HK1: variants seen among roughly 807,000 people sequenced by gnomAD.
HK1 encodes the protein hexokinase 1.
Under a neutral mutation model 91.6 loss-of-function variants are expected in HK1, and 28 were observed. That is an observed-to-expected ratio of 0.31 (90% CI 0.23 to 0.42). HK1 has a LOEUF of 0.42. Among genes scored for constraint, HK1 ranks in the 10% least tolerant of loss-of-function variants. The pLI, the probability that HK1 is intolerant of heterozygous loss-of-function variation, is 1.00. For synonymous variants in HK1, 430 were observed against 468.1 expected (o/e 0.92, Z 1.05); for missense variants, 770 against 1,219.8 (o/e 0.63, Z 5.49).
upstream of HK1, among the ~76,000 whole-genome samples, chr10:69,313,383 C>T (rs907238120): frequency 1.3e-5 from 2 of 152,174 alleles, no homozygotes; most frequent in Non-Finnish European, 2.9e-5. Flanking sequence ...ATGATGACCA[C>T]GTTGCCACAG....
intron 13 of HK1, among the ~76,000 whole-genome samples, chr10:69,387,762 G>T (rs1173147482): frequency 1.3e-5 from 2 of 152,090 alleles, no homozygotes; most frequent in African/African-American, 4.8e-5. Context: ...GATTACAGGT[G>T]TGTTTCTCGT....
chr10:69,310,143 A>C (rs1471992972), intron 5 of HK1, among the ~76,000 whole-genome samples: 1 of 148,750 alleles, frequency 6.7e-6, no homozygotes, highest in Non-Finnish European at 1.5e-5. Context: ...AAATCTGGCC[A>C]GGCATGGTGG....
intron 2 of HK1, among the ~76,000 whole-genome samples, chr10:69,283,893 G>T (rs376512971): frequency 2.0e-5 from 3 of 151,646 alleles, no homozygotes; most frequent in African/African-American, 7.3e-5. Context: ...TGGGGTTTAA[G>T]CCCACTTATT....
At chr10:69,274,764 G>T (rs1393553089) in intron 1 of HK1, among the ~76,000 whole-genome samples, 2 of 151,938 alleles carry the variant, frequency 1.3e-5, no homozygotes, top group Non-Finnish European at 2.9e-5. Context: ...AATCCTATGG[G>T]GAGAACTGGC....
At chr10:69,365,391 C>T (rs1849649506) in intron 4 of HK1, among the ~76,000 whole-genome samples, 1 of 152,174 alleles carries the variant, frequency 6.6e-6, no homozygotes. Flanking sequence ...GTTGTACCCA[C>T]CTTCCTGTTT....
chr10:69,316,049 T>C, upstream of HK1: 1 of 1,569,604 alleles, frequency 6.4e-7, no homozygotes. Context: ...GTTGGCAAGC[T>C]GGGCCTTAGA....
rs77255175 is a variant in HK1, at chr10:69,367,983, C to G, written c.496-553C>G. On this transcript the variant is annotated intron_variant, in intron 4 of 17. Transcript: ENST00000359426. ...TAGGGGAGTCACCACTTACAAATGGCGGTTAAGTCCCAAAGCTGGTGAAGA... is the reference window on the plus strand; with the variant it reads ...TAGGGGAGTCACCACTTACAAATGGGGGTTAAGTCCCAAAGCTGGTGAAGA... Among the ~76,000 whole-genome samples, 605 of 152,318 alleles carry G rather than the reference C, an allele frequency of 4.0e-3. 2 individuals are homozygous for G. Among genetic ancestry groups the G allele is most frequent in the Middle Eastern group, 0.024 (7 of 294 alleles).
intron 3 of HK1, among the ~76,000 whole-genome samples, chr10:69,363,886 G>A (rs997344021): frequency 3.3e-5 from 5 of 152,202 alleles, no homozygotes; most frequent in African/African-American, 4.8e-5. Context: ...GCTACAGTGC[G>A]GTAGATAAAT....
intron 1 of HK1, among the ~76,000 whole-genome samples, chr10:69,330,050 AC>A (rs776140833): frequency 6.7e-6 from 1 of 149,538 alleles, no homozygotes; most frequent in Non-Finnish European, 1.5e-5. Flanking sequence ...CTGCATGAAA[AC>A]CCCCTCAATG....
upstream of HK1, among the ~76,000 whole-genome samples, chr10:69,313,326 T>G (rs1846466862): frequency 6.6e-6 from 1 of 152,168 alleles, no homozygotes; most frequent in African/African-American, 2.4e-5. Flanking sequence ...GCTGCTCAGC[T>G]CCAGCATATG....
At chr10:69,310,347 T>G (rs1349205696) in intron 5 of HK1, among the ~76,000 whole-genome samples, 1 of 144,464 alleles carries the variant, frequency 6.9e-6, no homozygotes, top group South Asian at 2.2e-4. Context: ...CCTGAACCCA[T>G]CAGGCAGAGG....
upstream of HK1, among the ~76,000 whole-genome samples, chr10:69,315,509 T>G (rs941104114): frequency 1.3e-5 from 2 of 152,258 alleles, no homozygotes; most frequent in African/African-American, 4.8e-5. Flanking sequence ...GGGAGGGAAC[T>G]AAGGACTCCC....
intron 5 of HK1, among the ~76,000 whole-genome samples, chr10:69,302,071 C>T (rs144062937): frequency 0.021 from 3,189 of 151,868 alleles, 109 homozygotes; most frequent in African/African-American, 0.071. Context: ...CATGGTGAAA[C>T]CCCATCTCTA....
chr10:69,359,831 G>A (rs892508499), intron 2 of HK1, 66 bp from the exon 3 acceptor site: 10 of 1,488,960 alleles, frequency 6.7e-6, no homozygotes, highest in South Asian at 2.3e-5. Context: ...GCCAGGAAGC[G>A]GGCATGGTAT....
upstream of HK1, among the ~76,000 whole-genome samples, chr10:69,311,184 T>C (rs1035069500): frequency 6.6e-6 from 1 of 152,212 alleles, no homozygotes; most frequent in Non-Finnish European, 1.5e-5. Flanking sequence ...TGTTCTATTC[T>C]ATCAGTCTGT....
In HK1 at chr10:69,380,468, G is replaced by A. The variant is rs1213587211; in HGVS notation, c.1265+373G>A. On this transcript the variant is annotated intron_variant, in intron 9 of 17. Coordinates refer to ENST00000359426, the MANE Select transcript of HK1 (RefSeq NM_000188.3). The surrounding 1 kb of genome is among the most constrained non-coding windows in gnomAD (Gnocchi z 4.0). ...CCTCGCCCTGTCAAAAGTCGAGATG[G>A]AGATTTCTGTAGCTGTCGGCTCCTC... Among the ~76,000 whole-genome samples, 1 of 152,212 alleles carries A rather than the reference G, an allele frequency of 6.6e-6. No individual in the cohort carries two copies.
chr10:69,334,828 G>A (rs1589501233), intron 1 of HK1, among the ~76,000 whole-genome samples: 1 of 152,170 alleles, frequency 6.6e-6, no homozygotes, highest in Non-Finnish European at 1.5e-5. Context: ...CAGGCAGATC[G>A]ACTCCTACAT....
chr10:69,342,986 A>G (rs61870055), intron 1 of HK1, among the ~76,000 whole-genome samples: 26,649 of 152,198 alleles, frequency 0.18, 2,807 homozygotes, highest in Non-Finnish European at 0.24. Context: ...CGGGGAACTC[A>G]GGAAGAGGAG....
chr10:69,309,664 G>T (rs1846269739), intron 5 of HK1, among the ~76,000 whole-genome samples: 1 of 151,444 alleles, frequency 6.6e-6, no homozygotes, highest in Non-Finnish European at 1.5e-5. Flanking sequence ...AGCTGGGCGT[G>T]GTGGTGTGCA....
Sources: gnomAD v4.1 joint callset for allele counts (sites outside exome capture counted in the v4.1 genomes callset) on GRCh38, gnomAD v4.1.1 for gene constraint, Gnocchi (gnomAD v3.1) non-coding constraint, MANE v1.5 for transcripts, NCBI Gene and HGNC (gene_info 2026-07-23, HGNC 2026-07-21) for gene names.